The following GKAP1 variants were observed in gnomAD, a reference collection of about 807,000 sequenced individuals.
GKAP1 encodes G kinase-anchoring protein 1.
Under a neutral mutation model 56.7 loss-of-function variants are expected in GKAP1, and 31 were observed. The ratio of observed to expected loss-of-function variants is 0.55; its 90% confidence interval spans 0.41 to 0.74. GKAP1 has a LOEUF of 0.74. Among genes scored for constraint, GKAP1 ranks in the 30% least tolerant of loss-of-function variants. GKAP1 has a pLI of 0.00. For missense variants in GKAP1, 364 were observed against 402.3 expected (o/e 0.90, Z 0.82); for synonymous variants, 151 against 138.6 (o/e 1.09, Z -0.63).
intron 4 of GKAP1, among the ~76,000 whole-genome samples, chr9:83,798,069 A>G (rs1944276178): frequency 6.6e-6 from 1 of 152,238 alleles, no homozygotes; most frequent in South Asian, 2.1e-4. Context: ...ATTAATGCTC[A>G]TAATCATGAG....
intron 12 of GKAP1, among the ~76,000 whole-genome samples, chr9:83,740,159 G>C (rs1289164214): frequency 1.3e-5 from 2 of 152,094 alleles, no homozygotes; most frequent in African/African-American, 4.8e-5. Flanking sequence ...TTCAAGTTCT[G>C]TTGCGTTTTG....
At position 83,799,193 on chromosome 9, in the gene GKAP1, C is replaced by T. The variant is rs774972284; in HGVS notation, c.352G>A (p.Asp118Asn). ...TATTTACTTAGTTGTACCTGCTCATCTCTTTGTCTCCACTCTTGCCAATTT... is the reference window on the plus strand; with the variant it reads ...TATTTACTTAGTTGTACCTGCTCATTTCTTTGTCTCCACTCTTGCCAATTT... ...EENWQEWRQRDEQLTSEMFEA... is the reference protein window; with the variant it reads ...EENWQEWRQRNEQLTSEMFEA... The change falls in exon 4 of 13, where the codon GAT becomes AAT. Residue 118 changes from aspartate to asparagine, a missense_variant. Coordinates refer to ENST00000376371, the MANE Select transcript of GKAP1 (RefSeq NM_025211.4). The T allele has an allele frequency of 6.2e-7, 1 of 1,613,348 alleles. No individual in the cohort carries two copies. Among genetic ancestry groups the T allele is most frequent in the South Asian group, 1.1e-5 (1 of 90,904 alleles).
intron 10 of GKAP1, among the ~76,000 whole-genome samples, chr9:83,743,116 T>C (rs1943235684): frequency 1.3e-5 from 2 of 152,176 alleles, no homozygotes; most frequent in African/African-American, 4.8e-5. Context: ...TGAGCCAAGA[T>C]GGTGCCACTG....
At chr9:83,763,651 T>C (rs1466397019) in intron 8 of GKAP1, among the ~76,000 whole-genome samples, 1 of 152,210 alleles carries the variant, frequency 6.6e-6, no homozygotes, top group East Asian at 1.9e-4. Context: ...AAGCCATCTC[T>C]GATCCCCTTT....
chr9:83,787,685 G>A (rs908501665), intron 5 of GKAP1, among the ~76,000 whole-genome samples: 1 of 152,160 alleles, frequency 6.6e-6, no homozygotes, highest in Non-Finnish European at 1.5e-5. Flanking sequence ...GGAATAAAAT[G>A]TTAAATGATA....
chr9:83,804,669 G>A (rs1296594113), intron 3 of GKAP1, among the ~76,000 whole-genome samples: 1 of 146,600 alleles, frequency 6.8e-6, no homozygotes, highest in Non-Finnish European at 1.5e-5. Flanking sequence ...CCGGGAGGGA[G>A]GTGGGGGGGT....
intron 9 of GKAP1, 129 bp from the exon 10 acceptor site, chr9:83,748,501 A>T (rs1176582580): frequency 1.9e-6 from 1 of 525,416 alleles, no homozygotes; most frequent in African/African-American, 2.0e-5. Flanking sequence ...AACAAACAGG[A>T]TGGAGGAAAA....
chr9:83,767,543 G>A (rs999728345), intron 8 of GKAP1, among the ~76,000 whole-genome samples: 30 of 151,922 alleles, frequency 2.0e-4, no homozygotes, highest in Non-Finnish European at 4.0e-4. Context: ...TTTATTTTTA[G>A]TGGAGACAGG....
chr9:83,799,849 C>T (rs1460705339), intron 3 of GKAP1, among the ~76,000 whole-genome samples: 2 of 152,106 alleles, frequency 1.3e-5, no homozygotes, highest in Admixed American at 1.3e-4. Context: ...CCTGTGGTCC[C>T]AGCTACCCAG....
chr9:83,752,021 A>G (rs1225679555), intron 9 of GKAP1, among the ~76,000 whole-genome samples: 1 of 152,234 alleles, frequency 6.6e-6, no homozygotes, highest in Non-Finnish European at 1.5e-5. Flanking sequence ...ATGCACCAGT[A>G]AACAAAATAT....
intron 9 of GKAP1, 44 bp from the exon 10 acceptor site, chr9:83,748,416 G>A (rs1311614986): frequency 9.0e-7 from 1 of 1,105,422 alleles, no homozygotes; most frequent in East Asian, 2.4e-5. Flanking sequence ...AAAAGTAAGT[G>A]ATATAATTAA....
At chr9:83,747,507 C>A in intron 10 of GKAP1, among the ~76,000 whole-genome samples, 1 of 152,110 alleles carries the variant, frequency 6.6e-6, no homozygotes, top group East Asian at 1.9e-4. Flanking sequence ...TGTTTTCCCT[C>A]TAAATATAGT....
intron 4 of GKAP1, chr9:83,793,055 C>A: frequency 9.2e-7 from 1 of 1,090,100 alleles, no homozygotes; most frequent in South Asian, 1.4e-5. Flanking sequence ...TTAAGCAAAC[C>A]TATAGCTCAA....
intron 2 of GKAP1, among the ~76,000 whole-genome samples, chr9:83,808,148 C>T (rs112443289): frequency 1.3e-5 from 2 of 152,082 alleles, no homozygotes; most frequent in African/African-American, 4.8e-5. Context: ...ATTGATAAAC[C>T]GTGACAGATT....
chr9:83,776,384 T>C (rs1421164628), intron 7 of GKAP1, among the ~76,000 whole-genome samples: 1 of 151,712 alleles, frequency 6.6e-6, no homozygotes, highest in Non-Finnish European at 1.5e-5. Context: ...TTTAATAACC[T>C]AAAAAAAAGA....
chr9:83,768,937 C>T lies in GKAP1; in HGVS notation c.619G>A (p.Gly207Arg), dbSNP rs777477631. The change falls in exon 8 of 13, where the codon GGA (glycine) becomes AGA (arginine). Residue 207 changes from glycine to arginine, a missense_variant. By Grantham distance (125) the Gly-to-Arg change is moderately radical (BLOSUM62 -2). Coordinates refer to ENST00000376371, the MANE Select transcript of GKAP1 (RefSeq NM_025211.4). ...LSSSQTLSHD[G>R]GFFNRLEDDV... is the part of the protein sequence containing the mutation. Reference sequence around the variant, plus strand: ...TCTTCCAGTCTATTGAAGAATCCTCCATCATGTGATAAAGTCTGAGAAGAA... The same window carrying T: ...TCTTCCAGTCTATTGAAGAATCCTCTATCATGTGATAAAGTCTGAGAAGAA... The T allele has an allele frequency of 4.4e-5, 71 of 1,610,186 alleles. 3 individuals are homozygous for T. The South Asian group carries it at 7.7e-4, about 17-fold the overall frequency.
At chr9:83,778,579 A>G (rs1465056459) in intron 7 of GKAP1, among the ~76,000 whole-genome samples, 2 of 152,166 alleles carry the variant, frequency 1.3e-5, no homozygotes, top group African/African-American at 4.8e-5. Flanking sequence ...GGATCAAGAA[A>G]AATAACTAAT....
intron 10 of GKAP1, among the ~76,000 whole-genome samples, chr9:83,745,104 T>C (rs1943270253): frequency 6.6e-6 from 1 of 152,100 alleles, no homozygotes; most frequent in Non-Finnish European, 1.5e-5. Context: ...GTGGCAGGAT[T>C]ACAGCAGTCT....
intron 10 of GKAP1, among the ~76,000 whole-genome samples, chr9:83,747,991 C>A (rs1039596596): frequency 6.6e-6 from 1 of 151,870 alleles, no homozygotes; most frequent in East Asian, 1.9e-4. Flanking sequence ...GTCTTTTTTT[C>A]AATTTTTTTT....
Sources: allele counts gnomAD v4.1 joint callset (sites outside exome capture counted in the v4.1 genomes callset), GRCh38; gene constraint gnomAD v4.1.1; transcripts MANE v1.5; gene names NCBI Gene and HGNC (gene_info 2026-07-23, HGNC 2026-07-21).